The following RALGPS1 variants were observed in gnomAD, a reference collection of about 807,000 sequenced individuals.
The protein encoded by RALGPS1 is Ral GEF with PH domain and SH3 binding motif 1, also known as ras-specific guanine nucleotide-releasing factor RalGPS1.
In RALGPS1, 19 loss-of-function variants were observed where a neutral mutation model predicts 78.8. The ratio of observed to expected loss-of-function variants is 0.24; its 90% CI spans 0.17 to 0.35. RALGPS1 has a LOEUF of 0.35. Among genes scored for constraint, RALGPS1 ranks in the 10% least tolerant of loss-of-function variants. The pLI is 1.00. For synonymous variants in RALGPS1, 228 were observed against 256.3 expected (o/e 0.89, Z 1.06); for missense variants, 454 against 688.3 (o/e 0.66, Z 3.81).
intron 8 of RALGPS1, among the ~76,000 whole-genome samples, chr9:127,097,454 C>CA (rs2053264849): frequency 6.6e-6 from 1 of 152,218 alleles, no homozygotes; most frequent in Non-Finnish European, 1.5e-5. Flanking sequence ...AATTCAAACA[C>CA]AATTTCCCTT....
intron 11 of RALGPS1, chr9:127,177,762 C>T: frequency 6.7e-7 from 1 of 1,497,818 alleles, no homozygotes; most frequent in South Asian, 1.2e-5. Context: ...CACTGCATTT[C>T]CTGGCCTCCT....
intron 1 of RALGPS1, among the ~76,000 whole-genome samples, chr9:126,958,158 T>TATATATATATATATATATATATATATAC (rs1345241110): frequency 1.9e-4 from 23 of 121,104 alleles, no homozygotes; most frequent in Non-Finnish European, 2.1e-4. Context: ...TATATATATA[T>TATATATATATATATATATATATATATAC]ACACACACAC....
intron 1 of RALGPS1, among the ~76,000 whole-genome samples, chr9:126,955,229 C>A (rs950397649): frequency 6.6e-6 from 1 of 152,178 alleles, no homozygotes; most frequent in African/African-American, 2.4e-5. Flanking sequence ...ATATAAGTTC[C>A]GTGGCAGCAG....
At chr9:127,041,236 T>G (rs1426113034) in intron 5 of RALGPS1, among the ~76,000 whole-genome samples, 1 of 152,022 alleles carries the variant, frequency 6.6e-6, no homozygotes, top group African/African-American at 2.4e-5. Context: ...GGATTACAGG[T>G]GCATGCCACC....
At chr9:127,112,608 C>G (rs182038771) in intron 8 of RALGPS1, among the ~76,000 whole-genome samples, 7 of 152,364 alleles carry the variant, frequency 4.6e-5, no homozygotes, top group Admixed American at 2.6e-4. Context: ...CGACAGAGTT[C>G]TTGCCATTGC....
chr9:127,186,852 G>A (rs953151842), intron 11 of RALGPS1, among the ~76,000 whole-genome samples: 3 of 152,238 alleles, frequency 2.0e-5, no homozygotes, highest in African/African-American at 4.8e-5. Context: ...CGAAAGAAGA[G>A]GTGGCAGATC....
At chr9:127,001,833 G>A (rs1332844830) in intron 4 of RALGPS1, among the ~76,000 whole-genome samples, 1 of 152,152 alleles carries the variant, frequency 6.6e-6, no homozygotes, top group Non-Finnish European at 1.5e-5. Context: ...GCAGTGAGCC[G>A]AGATCGTGCC....
At chr9:126,962,451 A>G (rs997200945) in intron 2 of RALGPS1, 105 bp downstream of exon 2, 3 of 1,172,102 alleles carry the variant, frequency 2.6e-6, no homozygotes, top group East Asian at 2.5e-5. Flanking sequence ...CTCTGTGAAT[A>G]CCACCATTCT....
intron 4 of RALGPS1, among the ~76,000 whole-genome samples, chr9:127,003,311 A>G (rs1189804386): frequency 1.3e-5 from 2 of 152,112 alleles, no homozygotes; most frequent in Admixed American, 6.5e-5. Context: ...TCATCTGACA[A>G]AGGGCTAATA....
chr9:127,034,322 G>T (rs965299544), intron 4 of RALGPS1, 109 bp from the exon 5 acceptor site: 2 of 935,774 alleles, frequency 2.1e-6, no homozygotes, highest in African/African-American at 1.6e-5. Flanking sequence ...AACAGCCAAG[G>T]TGTCAGCCCT....
At chr9:127,112,153 CCT>C (rs2054882423) in intron 8 of RALGPS1, among the ~76,000 whole-genome samples, 1 of 152,214 alleles carries the variant, frequency 6.6e-6, no homozygotes, top group Non-Finnish European at 1.5e-5. Context: ...CCTGCTCAGG[CCT>C]CTCTGAGGCT....
intron 8 of RALGPS1, among the ~76,000 whole-genome samples, chr9:127,098,026 T>C (rs74507460): frequency 7.6e-4 from 115 of 152,310 alleles, no homozygotes; most frequent in Non-Finnish European, 1.5e-3. Context: ...CTGTTTCCTT[T>C]GATAGATGAA....
intron 11 of RALGPS1, among the ~76,000 whole-genome samples, chr9:127,182,813 C>T (rs2060364926): frequency 6.6e-6 from 1 of 152,154 alleles, no homozygotes. Flanking sequence ...ATACCCCACT[C>T]CTAGTACCTA....
intron 1 of RALGPS1, among the ~76,000 whole-genome samples, chr9:126,947,299 G>A (rs1200432144): frequency 1.3e-5 from 2 of 152,146 alleles, no homozygotes; most frequent in Non-Finnish European, 2.9e-5. Context: ...TGTGAAGTAG[G>A]TACAGGGGTA....
intron 8 of RALGPS1, among the ~76,000 whole-genome samples, chr9:127,075,428 G>A (rs2050590052): frequency 6.6e-6 from 1 of 152,250 alleles, no homozygotes; most frequent in African/African-American, 2.4e-5. Flanking sequence ...TCCTGAGGCA[G>A]CTGGGAGTTC....
chr9:126,926,817 A>G (rs1436350175), intron 1 of RALGPS1, among the ~76,000 whole-genome samples: 3 of 152,114 alleles, frequency 2.0e-5, no homozygotes, highest in African/African-American at 4.8e-5. Context: ...AGGCAGGTTC[A>G]AAAGAAACTG....
At position 127,218,454 on chromosome 9, in the gene RALGPS1, C is replaced by T. The variant is rs2062686958; in HGVS notation, c.1645-286C>T. On this transcript the variant is annotated intron_variant, in intron 18 of 18. Transcript: ENST00000259351. The surrounding 1 kb of genome is among the most constrained non-coding windows in gnomAD (Gnocchi z 4.4). ...CTTACTTGCTGTGTACTGAACCTCC[C>T]TAAGCCTCAGTTTCCTGTCTTTGTA... is the stretch of plus-strand genomic sequence containing the variant. Among the ~76,000 whole-genome samples the T allele has an allele frequency of 6.6e-6, 1 of 152,212 alleles. No homozygotes were observed. The highest frequency in any genetic ancestry group is 6.5e-5 in the Admixed American group (1 of 15,282).
intron 4 of RALGPS1, among the ~76,000 whole-genome samples, chr9:126,980,216 G>A (rs2041114166): frequency 6.6e-6 from 1 of 152,186 alleles, no homozygotes; most frequent in Non-Finnish European, 1.5e-5. Context: ...CCATGTTGTG[G>A]CTGGACCACC....
chr9:127,193,450 G>A (rs1026552591), intron 11 of RALGPS1, among the ~76,000 whole-genome samples: 1 of 152,160 alleles, frequency 6.6e-6, no homozygotes, highest in African/African-American at 2.4e-5. Flanking sequence ...TGCAGAGTGG[G>A]GTTGGGAAGG....
Sources: allele counts gnomAD v4.1 joint callset (sites outside exome capture counted in the v4.1 genomes callset), GRCh38; gene constraint gnomAD v4.1.1; non-coding constraint Gnocchi (gnomAD v3.1); transcripts MANE v1.5; gene names NCBI Gene and HGNC (gene_info 2026-07-23, HGNC 2026-07-21).